The following SH3D19 variants were observed in gnomAD, a reference collection of about 807,000 sequenced individuals.
SH3D19 encodes SH3 domain containing 19.
A neutral mutation model predicts 112.1 loss-of-function variants in SH3D19; 58 were observed. The ratio of observed to expected loss-of-function variants is 0.52; its 90% CI spans 0.42 to 0.64. SH3D19 has a LOEUF of 0.64. Among genes scored for constraint, SH3D19 ranks in the 30% least tolerant of loss-of-function variants. The probability of loss-of-function intolerance (pLI) is 0.00; values close to 1 mark genes in which losing one functional copy is unlikely to be tolerated. For synonymous variants in SH3D19, 391 were observed against 448.5 expected (o/e 0.87, Z 1.62); for missense variants, 1,090 against 1,263.4 (o/e 0.86, Z 2.08).
At chr4:151,237,049 T>C (rs1770125699) in intron 1 of SH3D19, among the ~76,000 whole-genome samples, 1 of 152,210 alleles carries the variant, frequency 6.6e-6, no homozygotes, top group African/African-American at 2.4e-5. Context: ...CTCTTCACGA[T>C]AAACCTTGCT....
intron 1 of SH3D19, among the ~76,000 whole-genome samples, chr4:151,315,932 T>C (rs757517980): frequency 2.0e-5 from 3 of 152,152 alleles, no homozygotes; most frequent in Non-Finnish European, 4.4e-5. Flanking sequence ...TTCTACAGTA[T>C]GGAAAGAGAG....
intron 1 of SH3D19, chr4:151,277,274 A>C: frequency 7.2e-7 from 1 of 1,395,230 alleles, no homozygotes. Context: ...ATTTTTACTA[A>C]AGAGGGCATC....
At chr4:151,314,646 T>C (rs139298201) in intron 1 of SH3D19, among the ~76,000 whole-genome samples, 1 of 152,352 alleles carries the variant, frequency 6.6e-6, no homozygotes, top group East Asian at 1.9e-4. Flanking sequence ...AGGAACTGCC[T>C]TCAGCTGCCA....
chr4:151,205,411 C>T (rs184684611), intron 2 of SH3D19, among the ~76,000 whole-genome samples: 3 of 152,324 alleles, frequency 2.0e-5, no homozygotes, highest in Admixed American at 2.0e-4. Flanking sequence ...CTTGGAGACA[C>T]AGAGAATGTA....
At chr4:151,225,576 A>G (rs1050640978) in intron 2 of SH3D19, among the ~76,000 whole-genome samples, 1 of 152,208 alleles carries the variant, frequency 6.6e-6, no homozygotes, top group African/African-American at 2.4e-5. Context: ...AAATGTACCA[A>G]AATTTTAGCA....
intron 7 of SH3D19, among the ~76,000 whole-genome samples, chr4:151,171,852 G>T (rs770945084): frequency 6.6e-6 from 1 of 152,168 alleles, no homozygotes; most frequent in Admixed American, 6.5e-5. Context: ...AAGGTGTGAA[G>T]AAGAATTGCT....
At chr4:151,233,759 G>C (rs1769795861) in intron 1 of SH3D19, among the ~76,000 whole-genome samples, 1 of 152,286 alleles carries the variant, frequency 6.6e-6, no homozygotes, top group Admixed American at 6.5e-5. Context: ...CACCCTATCT[G>C]AACTCTCAGA....
At chr4:151,217,297 G>A (rs1767288090) in intron 2 of SH3D19, among the ~76,000 whole-genome samples, 1 of 152,138 alleles carries the variant, frequency 6.6e-6, no homozygotes, top group Non-Finnish European at 1.5e-5. Context: ...TGTGATGATG[G>A]TAAAGTGTCA....
At chr4:151,307,472 A>G (rs1009542789) in intron 1 of SH3D19, among the ~76,000 whole-genome samples, 1 of 152,194 alleles carries the variant, frequency 6.6e-6, no homozygotes, top group Non-Finnish European at 1.5e-5. Context: ...CCAAAAAGCC[A>G]CTCGCGTCTG....
chr4:151,307,185 AT>A (rs1397932729), intron 1 of SH3D19, among the ~76,000 whole-genome samples: 56 of 147,026 alleles, frequency 3.8e-4, no homozygotes, highest in Middle Eastern at 3.5e-3. Flanking sequence ...CGCCCGGCTA[AT>A]TTTTTTTTTT....
intron 1 of SH3D19, chr4:151,283,177 G>A: frequency 6.2e-7 from 1 of 1,613,922 alleles, no homozygotes; most frequent in Non-Finnish European, 8.5e-7. Flanking sequence ...CGCCAGGCTT[G>A]TGAACAGCTC....
At chr4:151,295,355 G>C (rs1220912128) in intron 1 of SH3D19, among the ~76,000 whole-genome samples, 2 of 152,344 alleles carry the variant, frequency 1.3e-5, no homozygotes, top group South Asian at 2.1e-4. Context: ...CACTGAAGTA[G>C]AGCTGAGTGA....
chr4:151,234,689 A>G (rs13148755), intron 1 of SH3D19, among the ~76,000 whole-genome samples: 137,364 of 149,022 alleles, frequency 0.92, 63,500 homozygotes, highest in Non-Finnish European at 0.96. Flanking sequence ...CCATTCCTAA[A>G]GGTTTTTCTT....
At chr4:151,237,459 G>A (rs1770203174) in intron 1 of SH3D19, among the ~76,000 whole-genome samples, 1 of 152,104 alleles carries the variant, frequency 6.6e-6, no homozygotes, top group Admixed American at 6.5e-5. Context: ...GCCTGCAGTG[G>A]AAAATCAATA....
intron 2 of SH3D19, among the ~76,000 whole-genome samples, chr4:151,210,348 A>G (rs1345211508): frequency 1.3e-5 from 2 of 152,120 alleles, no homozygotes; most frequent in Non-Finnish European, 2.9e-5. Context: ...ATGTTATGGG[A>G]AAATGTTTAT....
chr4:151,170,426 G>A (rs1158371349), intron 7 of SH3D19: 1 of 151,798 alleles, frequency 6.6e-6, no homozygotes, highest in Non-Finnish European at 1.5e-5. Context: ...AGGCAATAAT[G>A]GCCATAAAAT....
intron 1 of SH3D19, among the ~76,000 whole-genome samples, chr4:151,319,373 G>T (rs1359516160): frequency 6.6e-6 from 1 of 152,188 alleles, no homozygotes; most frequent in Non-Finnish European, 1.5e-5. Flanking sequence ...ACAATGTGAT[G>T]AGTACAGGAT....
rs1415145719 is a variant in SH3D19 at position 151,174,762 on chromosome 4, AC to A, written c.1441del (p.Val481TrpfsTer31). 1.3e-6 allele frequency: 2 copies of A among 1,537,396 alleles called. No homozygotes were observed. The highest frequency in any genetic ancestry group is 1.7e-6 in the Non-Finnish European group (2 of 1,146,692). On this transcript the variant is annotated frameshift_variant, in exon 7 of 20. Coordinates refer to ENST00000604030, the MANE Select transcript of SH3D19 (RefSeq NM_001378122.1). LOFTEE classifies it high-confidence loss of function. ...ATCAAAGCTGATGAGATCGATGTCC[AC>A]CAAGGGCTTGCTCTGCAGAACTGGA... ...PVPVLQSKPL[V>X]DIDLISFDDD...
chr4:151,225,179 C>A (rs1212258606), intron 2 of SH3D19, among the ~76,000 whole-genome samples: 3 of 152,122 alleles, frequency 2.0e-5, no homozygotes, highest in Non-Finnish European at 4.4e-5. Context: ...CTTGAAAAAG[C>A]ACCAGGATTT....
Sources: gnomAD v4.1 joint callset for allele counts (sites outside exome capture counted in the v4.1 genomes callset) on GRCh38, gnomAD v4.1.1 for gene constraint, MANE v1.5 for transcripts, NCBI Gene and HGNC (gene_info 2026-07-23, HGNC 2026-07-21) for gene names.